PLIN3: variants seen among roughly 807,000 people sequenced by gnomAD.
The protein encoded by PLIN3 is perilipin 3.
PLIN3 carries 30 observed loss-of-function variants against 35.9 expected under a neutral mutation model. The ratio of observed to expected loss-of-function variants is 0.84; its 90% CI spans 0.62 to 1.13. The LOEUF (loss-of-function observed/expected upper bound fraction) is 1.13. Among genes scored for constraint, PLIN3 ranks in the 50% most tolerant of loss-of-function variants. The pLI is 0.00. For synonymous variants in PLIN3, 261 were observed against 262.5 expected, an observed-to-expected ratio of 0.99 and a Z score of 0.06; for missense variants, 603 against 596.9, an observed-to-expected ratio of 1.01 and a Z score of -0.11.
intron 1 of PLIN3, among the ~76,000 whole-genome samples, chr19:4,864,221 C>T (rs1372702359): frequency 8.7e-5 from 13 of 148,814 alleles, no homozygotes; most frequent in Middle Eastern, 3.4e-3. Flanking sequence ...GGCGTGATTT[C>T]GGCTCACTGT....
At chr19:4,841,146 C>T (rs1006778220) in intron 7 of PLIN3, among the ~76,000 whole-genome samples, 6 of 152,106 alleles carry the variant, frequency 3.9e-5, no homozygotes, top group East Asian at 3.9e-4. Flanking sequence ...ACAAGAGAAA[C>T]GGAAACATAC....
intron 3 of PLIN3, 30 bp from the exon 4 acceptor site, chr19:4,859,702 A>C (rs1463311121): frequency 3.1e-6 from 5 of 1,611,068 alleles, no homozygotes; most frequent in South Asian, 2.2e-5. Flanking sequence ...CGCAAATGTG[A>C]CTGCTGGAAG....
intron 5 of PLIN3, 121 bp from the exon 6 acceptor site, chr19:4,848,011 T>C: frequency 1.3e-6 from 1 of 766,026 alleles, no homozygotes; most frequent in South Asian, 1.6e-5. Flanking sequence ...AGAGATGGAG[T>C]CTCGCTCTGT....
chr19:4,844,867 A>T, intron 6 of PLIN3, 74 bp from the exon 7 acceptor site: 1 of 1,458,080 alleles, frequency 6.9e-7, no homozygotes, highest in Non-Finnish European at 9.2e-7. Flanking sequence ...GAACCCAAGG[A>T]ATCCTTCCAG....
At chr19:4,856,952 C>T (rs975699931) in intron 4 of PLIN3, among the ~76,000 whole-genome samples, 11 of 152,000 alleles carry the variant, frequency 7.2e-5, no homozygotes, top group Admixed American at 6.6e-4. Context: ...GTGATCTGCA[C>T]GCTTCGGCCT....
rs762394082 is a variant in PLIN3 at position 4,859,862 on chromosome 19, C to T, written c.229G>A (p.Gly77Arg). Residue 77 changes from glycine to arginine, a missense_variant, in exon 3 of 8, where the codon GGG becomes AGG. Gly to Arg is a moderately radical substitution (Grantham distance 125). Coordinates refer to ENST00000221957, the MANE Select transcript of PLIN3 (RefSeq NM_005817.5). ...AGCTTGGAGAGGATCGGCTGAGCCC[C>T]GCTGACAGCAGCCGCCGTGAGGGTC... ...VRTLTAAAVS[G>R]AQPILSKLEP... 1.5e-5 allele frequency: 24 copies of T among 1,613,146 alleles called. No homozygotes were observed. Among genetic ancestry groups the T allele is most frequent in the Middle Eastern group, 1.8e-4 (1 of 5,480 alleles).
At chr19:4,851,663 G>C (rs1477876053) in intron 5 of PLIN3, among the ~76,000 whole-genome samples, 2 of 151,932 alleles carry the variant, frequency 1.3e-5, no homozygotes, top group African/African-American at 2.4e-5. Context: ...AGGAGGGCGG[G>C]GAGAGGACAG....
chr19:4,844,651 AG>A lies in PLIN3; in HGVS notation c.960+16del. ...CTCCAAGTACCCTAGGCCACCCCCCAGTCCCCTCATGGGTACCTCTGGCTTG... is the reference window on the plus strand; with the variant it reads ...CTCCAAGTACCCTAGGCCACCCCCCATCCCCTCATGGGTACCTCTGGCTTG... On this transcript the variant is annotated intron_variant, in intron 7 of 7. Transcript: ENST00000221957. 6.6e-7 allele frequency: 1 copy of A among 1,511,680 alleles called. No homozygotes were observed. The highest frequency in any genetic ancestry group is 2.0e-4 in the Middle Eastern group (1 of 5,028). The allele number at this position is 1,511,680 out of a possible 1,614,324, so 93.6% of individuals were successfully genotyped here.
At chr19:4,849,910 G>A (rs868835014) in intron 5 of PLIN3, among the ~76,000 whole-genome samples, 2 of 151,018 alleles carry the variant, frequency 1.3e-5, no homozygotes, top group East Asian at 1.9e-4. Context: ...CTCAGCCTCC[G>A]AAAGTGCTGG....
At chr19:4,858,993 C>T (rs1421187921) in intron 4 of PLIN3, among the ~76,000 whole-genome samples, 3 of 151,992 alleles carry the variant, frequency 2.0e-5, no homozygotes, top group Admixed American at 1.3e-4. Flanking sequence ...TGAGCCACCG[C>T]GCCCGGCCAG....
chr19:4,852,113 G>A lies in PLIN3; in HGVS notation c.537C>T (p.Ser179=), dbSNP rs1184857543. ...VTGGVQSVMG[S]RLGQMVLSGV... is the part of the protein sequence containing the mutation. ...CACTCAACACCATCTGGCCCAAGCG[G>A]GAGCCCATGACCGATTGGACGCCGC... Residue 179 remains serine, a synonymous_variant, in exon 5 of 8, where the codon TCC becomes TCT. Coordinates refer to ENST00000221957, the MANE Select transcript of PLIN3 (RefSeq NM_005817.5). 1.2e-6 allele frequency: 2 copies of A among 1,613,984 alleles called. No individual in the cohort carries two copies. Among genetic ancestry groups the A allele is most frequent in the East Asian group, 2.2e-5 (1 of 44,864 alleles).
Position 4,839,534 on chromosome 19 carries a change from C to G in PLIN3, c.963G>C (p.Gln321His). The G allele has an allele frequency of 6.6e-7, 1 of 1,520,364 alleles. No individual in the cohort carries two copies. The highest frequency in any genetic ancestry group is 8.8e-7 in the Non-Finnish European group (1 of 1,131,174). The allele number at this position is 1,520,364 out of a possible 1,614,324, so 94.2% of individuals were successfully genotyped here. A position where few individuals can be genotyped will look rare whatever the true frequency, so the allele number is the denominator to read the frequency against. ...GPEKEPPKPE[Q>H]VESRALTMFR... ...ACATGGTGAGCGCCCGGGACTCGAC[C>G]TGCTGAGAAGGGAGATGGGGACACC... The change falls in exon 8 of 8, where the codon CAG becomes CAC. Residue 321 changes from glutamine (Q) to histidine (H), a missense_variant and splice_region_variant. Coordinates refer to ENST00000221957, the MANE Select transcript of PLIN3 (RefSeq NM_005817.5).
intron 4 of PLIN3, among the ~76,000 whole-genome samples, chr19:4,858,673 CG>C (rs1473920771): frequency 1.4e-5 from 2 of 147,530 alleles, no homozygotes; most frequent in African/African-American, 5.0e-5. Context: ...TGAGCCACCG[CG>C]CCTGGCCAGA....
intron 4 of PLIN3, among the ~76,000 whole-genome samples, chr19:4,856,156 G>A (rs562256565): frequency 6.6e-6 from 1 of 152,140 alleles, no homozygotes; most frequent in South Asian, 2.1e-4. Flanking sequence ...TCCAACCCAG[G>A]GATCACCTAT....
chr19:4,839,658 T>C, intron 7 of PLIN3, 122 bp from the exon 8 acceptor site: 6 of 663,708 alleles, frequency 9.0e-6, no homozygotes, highest in South Asian at 8.8e-5. Flanking sequence ...ACGCTTTCCA[T>C]AGGCGAAACT....
chr19:4,859,493 G>A lies in PLIN3; in HGVS notation c.348+97C>T. The A allele has an allele frequency of 2.0e-6, 2 of 994,884 alleles. 1 individual carries two copies. Among genetic ancestry groups the A allele is most frequent in the South Asian group, 2.6e-5 (2 of 77,614 alleles). The allele number at this position is 994,884 out of a possible 1,614,324, so 61.6% of individuals were successfully genotyped here. ...AACCGACAGGAGAGGCAGCAGGGAG[G>A]ATGCCATCAAGCTTGTCTAGTTAAG... On this transcript the variant is annotated intron_variant, in intron 4 of 7. Transcript: ENST00000221957.
chr19:4,841,285 C>G (rs1025884717), intron 7 of PLIN3, among the ~76,000 whole-genome samples: 7 of 152,112 alleles, frequency 4.6e-5, no homozygotes, highest in African/African-American at 1.7e-4. Flanking sequence ...AGCCATGGAA[C>G]GTCATGGGGC....
rs372449923 is a variant in PLIN3 at position 4,843,870 on chromosome 19, T to C, written c.960+798A>G. Among the ~76,000 whole-genome samples the C allele has an allele frequency of 2.0e-3, 301 of 152,248 alleles. 1 individual carries two copies. The highest frequency in any genetic ancestry group is 7.0e-3 in the African/African-American group (290 of 41,562). ...TAAACAACTATTTCAAAAATTGATATATAATCCACACACCCTAAAACTCGC... is the reference window on the plus strand; with the variant it reads ...TAAACAACTATTTCAAAAATTGATACATAATCCACACACCCTAAAACTCGC... On this transcript the variant is annotated intron_variant, in intron 7 of 7. Transcript: ENST00000221957.
At chr19:4,867,339 C>G (rs942141623) in intron 1 of PLIN3, among the ~76,000 whole-genome samples, 14 of 152,274 alleles carry the variant, frequency 9.2e-5, no homozygotes, top group South Asian at 6.2e-4. Context: ...TAGCCCACCC[C>G]CTTCAATATC....
Sources: allele counts gnomAD v4.1 joint callset (sites outside exome capture counted in the v4.1 genomes callset), GRCh38; gene constraint gnomAD v4.1.1; transcripts MANE v1.5; gene names NCBI Gene and HGNC (gene_info 2026-07-23, HGNC 2026-07-21).